The following PTPRT variants were observed in gnomAD, a reference collection of about 807,000 sequenced individuals.
The protein encoded by PTPRT is protein tyrosine phosphatase receptor type T.
In PTPRT, 56 loss-of-function variants were observed where a neutral mutation model predicts 176.8. The observed-to-expected ratio is 0.32, with a 90% CI of 0.26 to 0.40. PTPRT has a LOEUF of 0.40. PTPRT is among the 10% of genes least tolerant of loss of function. The pLI, the probability that PTPRT is intolerant of heterozygous loss-of-function variation, is 1.00. For missense variants in PTPRT, 1,540 were observed against 1,908.2 expected (o/e 0.81, Z 3.60); for synonymous variants, 783 against 739.0 (o/e 1.06, Z -0.96).
At chr20:42,133,151 A>T (rs1463850613) in intron 18 of PTPRT, among the ~76,000 whole-genome samples, 2 of 152,192 alleles carry the variant, frequency 1.3e-5, no homozygotes, top group African/African-American at 2.4e-5. Flanking sequence ...TTTGTATTAG[A>T]TGATTTTGCC....
At chr20:42,062,855 C>T in the PTPRT span, among the ~76,000 whole-genome samples, 5,723 of 152,298 alleles carry the variant, frequency 0.038, 176 homozygotes, top group Middle Eastern at 0.058. Flanking sequence ...AATGCATAGC[C>T]GCAGACCAGC....
rs6030428 is a variant in PTPRT at position 42,708,272 on chromosome 20, A to C, written c.860-30113T>G. ...CTTCTTTTATCATTTTAAGAATATA[A>C]AATATTATAAAATTCAAGATTTTTC... On this transcript the variant is annotated intron_variant, in intron 6 of 30. Coordinates refer to ENST00000373187, the MANE Select transcript of PTPRT (RefSeq NM_007050.6). 8.9e-3 allele frequency among the ~76,000 whole-genome samples: 1,352 copies of C among 152,238 alleles called. 23 individuals are homozygous for C. Among genetic ancestry groups the C allele is most frequent in the African/African-American group, 0.031 (1,304 of 41,536 alleles).
intron 11 of PTPRT, among the ~76,000 whole-genome samples, chr20:42,318,864 C>A (rs2057758496): frequency 6.6e-6 from 1 of 152,096 alleles, no homozygotes; most frequent in Non-Finnish European, 1.5e-5. Context: ...GGACTGAATC[C>A]CCCTCCAAGA....
intron 9 of PTPRT, among the ~76,000 whole-genome samples, chr20:42,435,398 C>T (rs1442480267): frequency 7.9e-5 from 12 of 152,168 alleles, no homozygotes; most frequent in Admixed American, 7.9e-4. Context: ...GTAGCATTCA[C>T]ATCAATACCT....
At chr20:42,393,602 C>G (rs192312567) in intron 9 of PTPRT, among the ~76,000 whole-genome samples, 1 of 152,302 alleles carries the variant, frequency 6.6e-6, no homozygotes, top group Non-Finnish European at 1.5e-5. Context: ...CTGATGCCCA[C>G]TTACACACAG....
At chr20:42,622,859 C>T (rs1600489751) in intron 7 of PTPRT, among the ~76,000 whole-genome samples, 1 of 152,180 alleles carries the variant, frequency 6.6e-6, no homozygotes, top group African/African-American at 2.4e-5. Flanking sequence ...AGGCCCCCCA[C>T]CTTCAAGCCA....
intron 12 of PTPRT, among the ~76,000 whole-genome samples, chr20:42,297,008 G>A (rs529411262): frequency 6.2e-4 from 94 of 151,830 alleles, no homozygotes; most frequent in African/African-American, 2.1e-3. Flanking sequence ...TCAAAAAAAG[G>A]TGAACAAAAT....
At chr20:42,614,745 G>A (rs1186944412) in intron 7 of PTPRT, among the ~76,000 whole-genome samples, 1 of 152,076 alleles carries the variant, frequency 6.6e-6, no homozygotes, top group African/African-American at 2.4e-5. Context: ...GGACATACCT[G>A]AGACTGGGCA....
chr20:42,061,147 A>T, the PTPRT span, among the ~76,000 whole-genome samples: 1 of 152,178 alleles, frequency 6.6e-6, no homozygotes, highest in African/African-American at 2.4e-5. Flanking sequence ...TTCATCTATA[A>T]AGGTTTATTC....
At chr20:42,470,967 T>C (rs1272970762) in intron 8 of PTPRT, among the ~76,000 whole-genome samples, 1 of 152,050 alleles carries the variant, frequency 6.6e-6, no homozygotes, top group East Asian at 1.9e-4. Flanking sequence ...GCTCCTAGGC[T>C]GGCTTTCAGG....
At chr20:42,241,135 T>C (rs189738253) in intron 14 of PTPRT, among the ~76,000 whole-genome samples, 43 of 152,328 alleles carry the variant, frequency 2.8e-4, no homozygotes, top group Admixed American at 2.2e-3. Context: ...AAAGAGCCTG[T>C]ATTAATAGCT....
intron 1 of PTPRT, among the ~76,000 whole-genome samples, chr20:43,035,242 G>T (rs902876927): frequency 6.6e-6 from 1 of 151,984 alleles, no homozygotes; most frequent in African/African-American, 2.4e-5. Flanking sequence ...GAACACTCCC[G>T]CCTCGAAACC....
At chr20:42,333,329 T>G (rs903628181) in intron 11 of PTPRT, among the ~76,000 whole-genome samples, 1 of 152,318 alleles carries the variant, frequency 6.6e-6, no homozygotes, top group South Asian at 2.1e-4. Flanking sequence ...TTTATATTAA[T>G]ATGTATAGGC....
At chr20:42,880,708 T>C (rs2079000361) in intron 2 of PTPRT, among the ~76,000 whole-genome samples, 1 of 152,172 alleles carries the variant, frequency 6.6e-6, no homozygotes, top group African/African-American at 2.4e-5. Flanking sequence ...GAGAGAGGGT[T>C]TGTGAGTGAG....
chr20:42,593,184 A>G (rs1291961866), intron 7 of PTPRT, among the ~76,000 whole-genome samples: 4 of 152,160 alleles, frequency 2.6e-5, no homozygotes, highest in Non-Finnish European at 5.9e-5. Context: ...TCTCAGAATC[A>G]CTGGAGGAGC....
intron 1 of PTPRT, among the ~76,000 whole-genome samples, chr20:42,948,375 C>T (rs1358933787): frequency 6.6e-6 from 1 of 152,198 alleles, no homozygotes; most frequent in Admixed American, 6.5e-5. Flanking sequence ...CCCACTCCAG[C>T]CTGCCCCAGG....
At chr20:42,142,719 T>G (rs1177628104) in intron 17 of PTPRT, among the ~76,000 whole-genome samples, 4 of 152,210 alleles carry the variant, frequency 2.6e-5, no homozygotes, top group Admixed American at 2.6e-4. Context: ...TTAAGAACAA[T>G]AATAAAATAG....
intron 7 of PTPRT, among the ~76,000 whole-genome samples, chr20:42,487,707 A>C (rs1248980192): frequency 6.6e-6 from 1 of 152,172 alleles, no homozygotes; most frequent in Non-Finnish European, 1.5e-5. Flanking sequence ...ATTCTCCCCC[A>C]GAGTCGACGG....
At chr20:43,045,831 T>G (rs991431535) in intron 1 of PTPRT, among the ~76,000 whole-genome samples, 1 of 151,992 alleles carries the variant, frequency 6.6e-6, no homozygotes, top group South Asian at 2.1e-4. Flanking sequence ...CAAATAATGA[T>G]TCCAAACAGC....
Sources: gnomAD v4.1 joint callset for allele counts (sites outside exome capture counted in the v4.1 genomes callset) on GRCh38, gnomAD v4.1.1 for gene constraint, MANE v1.5 for transcripts, NCBI Gene and HGNC (gene_info 2026-07-23, HGNC 2026-07-21) for gene names.